CDC5L: variants seen among roughly 807,000 people sequenced by gnomAD.
CDC5L encodes the protein cell division cycle 5 like.
Under a neutral mutation model 104.1 loss-of-function variants are expected in CDC5L, and 18 were observed. That is an observed-to-expected ratio of 0.17 (90% CI 0.12 to 0.26). The LOEUF is 0.26. CDC5L is among the 10% of genes least tolerant of loss of function. The pLI is 1.00. For synonymous variants in CDC5L, 331 were observed against 322.7 expected (o/e 1.03, Z -0.28); for missense variants, 673 against 956.9 (o/e 0.70, Z 3.91).
chr6:44,404,847 C>T (rs1400814043), intron 6 of CDC5L, among the ~76,000 whole-genome samples: 3 of 152,026 alleles, frequency 2.0e-5, no homozygotes, highest in Non-Finnish European at 2.9e-5. Flanking sequence ...TGTGTGCCAC[C>T]ATGACTGGCT....
At chr6:44,420,604 C>T (rs187780301) in intron 9 of CDC5L, among the ~76,000 whole-genome samples, 417 of 152,034 alleles carry the variant, frequency 2.7e-3, no homozygotes, top group African/African-American at 9.0e-3. Flanking sequence ...GTAATCCACC[C>T]GCCTTGGCCT....
In CDC5L at chr6:44,448,725, T is replaced by A. The variant is rs1451038079; in HGVS notation, c.*2014T>A. On this transcript the variant is annotated 3_prime_UTR_variant, in exon 16 of 16. Coordinates refer to ENST00000371477, the MANE Select transcript of CDC5L (RefSeq NM_001253.4). ...ATAGTTTTATTTCACTTTTATTGCATGTTTTGTTATCTGAAATGTTTAGGA... is the reference window on the plus strand; with the variant it reads ...ATAGTTTTATTTCACTTTTATTGCAAGTTTTGTTATCTGAAATGTTTAGGA... 6.6e-6 allele frequency: 1 copy of A among 152,218 alleles called. No homozygotes were observed. Among genetic ancestry groups the A allele is most frequent in the Non-Finnish European group, 1.5e-5 (1 of 68,032 alleles). 9.4% of individuals were successfully genotyped at this position (152,218 alleles called of 1,614,324 possible).
At chr6:44,432,165 G>A (rs1032158422) in intron 14 of CDC5L, among the ~76,000 whole-genome samples, 2 of 152,112 alleles carry the variant, frequency 1.3e-5, no homozygotes, top group Admixed American at 1.3e-4. Context: ...CTTTTAGCTT[G>A]TTTTAGTTTT....
intron 13 of CDC5L, among the ~76,000 whole-genome samples, 166 bp from the exon 14 acceptor site, chr6:44,429,544 GCTT>G (rs145467395): frequency 1.6e-3 from 238 of 152,152 alleles, no homozygotes; most frequent in African/African-American, 5.6e-3. Flanking sequence ...TGACTCAAAG[GCTT>G]CTTAAGCTAT....
In CDC5L at chr6:44,426,649, T is replaced by A. The variant is rs1561976926; in HGVS notation, c.1818T>A (p.Gly606=). Residue 606 remains glycine, a synonymous_variant, in exon 13 of 16, where the codon GGT becomes GGA. Transcript: ENST00000371477. ...GNKKGKTVGF[G]TNNSEHITYL... ...AAAAAGGCAAAACTGTAGGGTTTGG[T>A]ACCAATAATTCAGAGCACATTACCT... 3.7e-6 allele frequency: 6 copies of A among 1,613,198 alleles called. No individual in the cohort carries two copies. The highest frequency in any genetic ancestry group is 5.1e-6 in the Non-Finnish European group (6 of 1,179,384).
At chr6:44,420,645 A>G (rs919815567) in intron 9 of CDC5L, among the ~76,000 whole-genome samples, 2 of 152,164 alleles carry the variant, frequency 1.3e-5, no homozygotes, top group Admixed American at 1.3e-4. Flanking sequence ...GGTGTGAGCC[A>G]CTGCGCCTGG....
Position 44,396,276 on chromosome 6 carries a change from A to G in CDC5L, c.440-65A>G, listed in dbSNP as rs544023131. 1.2e-4 allele frequency: 121 copies of G among 996,098 alleles called. 2 individuals are homozygous for G. In the South Asian group the frequency reaches 1.7e-3, roughly 14 times the overall value. 61.7% of individuals were successfully genotyped at this position (996,098 alleles called of 1,614,324 possible). A position where few individuals can be genotyped will look rare whatever the true frequency, so the allele number is the denominator to read the frequency against. ...TTGAGCAATAGAGTGTCTCTTACAT[A>G]CCTTGCTTCTAGAGTATGTAAGAAC... On this transcript the variant is annotated intron_variant, in intron 4 of 15. Coordinates refer to ENST00000371477, the MANE Select transcript of CDC5L (RefSeq NM_001253.4).
chr6:44,442,896 T>C (rs1793268406), intron 14 of CDC5L, among the ~76,000 whole-genome samples: 1 of 152,202 alleles, frequency 6.6e-6, no homozygotes, highest in Admixed American at 6.5e-5. Context: ...CCTTTTAGCA[T>C]TTCCTGTAAT....
intron 14 of CDC5L, among the ~76,000 whole-genome samples, chr6:44,439,477 C>G (rs1793082612): frequency 1.3e-5 from 2 of 152,142 alleles, no homozygotes. Context: ...GCTATTTTTA[C>G]ACTGTAGGAC....
rs1049895129 is a variant in CDC5L at position 44,426,794 on chromosome 6, TAATG to T, written c.1893+73_1893+76del. 15 of 1,448,542 alleles carry T rather than the reference TAATG, an allele frequency of 1.0e-5. No individual in the cohort carries two copies. The African/African-American group carries it at 2.0e-4, about 19-fold the overall frequency. The allele number at this position is 1,448,542 out of a possible 1,614,324, so 89.7% of individuals were successfully genotyped here. A position where few individuals can be genotyped will look rare whatever the true frequency, so the allele number is the denominator to read the frequency against. On this transcript the variant is annotated intron_variant, in intron 13 of 15. Transcript: ENST00000371477. Reference sequence around the variant, plus strand: ...TTAGGTGCTGTGTATCATGGACAAATAATGAACTTATTTTTCCCTGTTGGTATTC... The same window carrying T: ...TTAGGTGCTGTGTATCATGGACAAATAACTTATTTTTCCCTGTTGGTATTC...
intron 10 of CDC5L, among the ~76,000 whole-genome samples, chr6:44,423,437 A>G (rs1792280231): frequency 6.6e-6 from 1 of 152,232 alleles, no homozygotes; most frequent in Non-Finnish European, 1.5e-5. Context: ...GGAGATTGAC[A>G]GTACTAAACT....
intron 6 of CDC5L, among the ~76,000 whole-genome samples, chr6:44,405,777 T>C (rs1791334953): frequency 6.6e-6 from 1 of 152,224 alleles, no homozygotes; most frequent in South Asian, 2.1e-4. Flanking sequence ...TTTTAATATT[T>C]AGTACTTCAA....
At chr6:44,426,223 C>A in intron 12 of CDC5L, 40 bp downstream of exon 12, 1 of 1,396,546 alleles carries the variant, frequency 7.2e-7, no homozygotes. Flanking sequence ...TTTTAAGTTT[C>A]TTTTTATATG....
intron 10 of CDC5L, among the ~76,000 whole-genome samples, chr6:44,423,985 G>C (rs929759577): frequency 2.0e-5 from 3 of 152,124 alleles, no homozygotes; most frequent in Admixed American, 6.5e-5. Flanking sequence ...GTGATCACAA[G>C]TGAAAGTTTT....
chr6:44,426,831 A>G (rs1792444268), intron 13 of CDC5L, 107 bp downstream of exon 13: 3 of 1,080,292 alleles, frequency 2.8e-6, no homozygotes, highest in Non-Finnish European at 2.7e-6. Flanking sequence ...TTCATAAACA[A>G]CTGAAATGTA....
chr6:44,439,564 T>C (rs1035994209), intron 14 of CDC5L, among the ~76,000 whole-genome samples: 4 of 152,218 alleles, frequency 2.6e-5, no homozygotes, highest in African/African-American at 9.6e-5. Context: ...ACCAGCTGTT[T>C]TTCCTTGCTG....
At chr6:44,392,572 T>C in intron 2 of CDC5L, 95 bp from the exon 3 acceptor site, 1 of 1,105,208 alleles carries the variant, frequency 9.0e-7, no homozygotes, top group Non-Finnish European at 1.3e-6. Flanking sequence ...TTTTTGTAAT[T>C]GAAGGATGAG....
chr6:44,448,248 G>T lies in CDC5L; in HGVS notation c.*1537G>T, dbSNP rs1456386516. 6.6e-6 allele frequency: 1 copy of T among 152,192 alleles called. No individual in the cohort carries two copies. Among genetic ancestry groups the T allele is most frequent in the African/African-American group, 2.4e-5 (1 of 41,444 alleles). 9.4% of individuals were successfully genotyped at this position (152,192 alleles called of 1,614,324 possible). ...ACAAAAAGGACAATGCAGCTAGAGTGTCAAGAATGGCATTTCTGTATATAA... is the reference window on the plus strand; with the variant it reads ...ACAAAAAGGACAATGCAGCTAGAGTTTCAAGAATGGCATTTCTGTATATAA... On this transcript the variant is annotated 3_prime_UTR_variant, in exon 16 of 16. Coordinates refer to ENST00000371477, the MANE Select transcript of CDC5L (RefSeq NM_001253.4).
intron 8 of CDC5L, among the ~76,000 whole-genome samples, chr6:44,418,613 G>A (rs376521562): frequency 0.013 from 2,030 of 152,112 alleles, 20 homozygotes; most frequent in Middle Eastern, 0.054. Context: ...AGTCCCACCA[G>A]CAGTGTAAAA....
Sources: allele counts gnomAD v4.1 joint callset (sites outside exome capture counted in the v4.1 genomes callset), GRCh38; gene constraint gnomAD v4.1.1; transcripts MANE v1.5; gene names NCBI Gene and HGNC (gene_info 2026-07-23, HGNC 2026-07-21).